Variants in LRMDA observed in about 807,000 individuals in gnomAD.
LRMDA encodes leucine rich melanocyte differentiation associated, also known as leucine-rich melanocyte differentiation-associated protein.
Under a neutral mutation model 29.8 loss-of-function variants are expected in LRMDA, and 18 were observed. That is an observed-to-expected ratio of 0.60 (90% CI 0.42 to 0.90). The LOEUF (loss-of-function observed/expected upper bound fraction) is 0.90. Ranked by LOEUF, LRMDA falls within the 40% of genes least tolerant of loss-of-function variation. LRMDA has a pLI of 0.00. For synonymous variants in LRMDA, 125 were observed against 109.4 expected, an observed-to-expected ratio of 1.14 and a Z score of -0.89; for missense variants, 273 against 273.9, an observed-to-expected ratio of 1.00 and a Z score of 0.02.
At chr10:75,856,169 T>C (rs1844822484) in intron 2 of LRMDA, among the ~76,000 whole-genome samples, 2 of 152,218 alleles carry the variant, frequency 1.3e-5, no homozygotes. Flanking sequence ...ATGGCCATTT[T>C]CATGATATTG....
intron 5 of LRMDA, among the ~76,000 whole-genome samples, chr10:76,130,644 T>A (rs2132135659): frequency 6.6e-6 from 1 of 152,282 alleles, no homozygotes; most frequent in South Asian, 2.1e-4. Flanking sequence ...CTGCCTTCTG[T>A]GTCTACCCAG....
intron 2 of LRMDA, among the ~76,000 whole-genome samples, chr10:75,678,918 T>G (rs539729635): frequency 1.3e-5 from 2 of 152,248 alleles, no homozygotes; most frequent in African/African-American, 4.8e-5. Flanking sequence ...TACTGGAAAT[T>G]AAACGGGCAG....
At chr10:75,728,419 C>T (rs1842655181) in intron 2 of LRMDA, among the ~76,000 whole-genome samples, 1 of 142,800 alleles carries the variant, frequency 7.0e-6, no homozygotes, top group East Asian at 2.0e-4. Flanking sequence ...GTGCTTGATA[C>T]GTGGCTCTGT....
intron 2 of LRMDA, among the ~76,000 whole-genome samples, chr10:75,488,674 T>C (rs936052970): frequency 6.6e-6 from 1 of 152,144 alleles, no homozygotes; most frequent in African/African-American, 2.4e-5. Context: ...GAGGGGAGTG[T>C]CTGTCACTGT....
At chr10:76,224,214 G>A (rs1036728929) in intron 5 of LRMDA, among the ~76,000 whole-genome samples, 5 of 151,842 alleles carry the variant, frequency 3.3e-5, no homozygotes, top group South Asian at 4.2e-4. Context: ...GAGGGAACCA[G>A]TGATGTGGTA....
intron 6 of LRMDA, among the ~76,000 whole-genome samples, chr10:76,546,017 A>C (rs1472633706): frequency 1.3e-5 from 2 of 152,172 alleles, no homozygotes; most frequent in Non-Finnish European, 2.9e-5. Context: ...GTGTTTTAAC[A>C]GGCCTTCTCA....
chr10:75,467,940 A>G (rs1844674830), intron 2 of LRMDA, among the ~76,000 whole-genome samples: 1 of 149,178 alleles, frequency 6.7e-6, no homozygotes, highest in Non-Finnish European at 1.5e-5. Context: ...CAGCCTGGTG[A>G]CAGAGTGAGA....
rs1842886601 is a variant in LRMDA at position 76,497,610 on chromosome 10, G to A, written c.602-59599G>A. Among the ~76,000 whole-genome samples, 2 of 75,492 alleles carry A rather than the reference G, an allele frequency of 2.6e-5. 1 individual carries two copies. Among genetic ancestry groups the A allele is most frequent in the Admixed American group, 2.4e-4 (2 of 8,164 alleles). The allele number at this position is 75,492 out of a possible 152,430, so 49.5% of individuals were successfully genotyped here. ...CCTATTTCAGTTCTCTTTTTGAAGAGGAAACCAACCAACCAAGTTTATATC... is the reference window on the plus strand; with the variant it reads ...CCTATTTCAGTTCTCTTTTTGAAGAAGAAACCAACCAACCAAGTTTATATC... On this transcript the variant is annotated intron_variant, in intron 6 of 6. Transcript: ENST00000611255.
chr10:75,643,283 C>G lies in LRMDA; in HGVS notation c.131+204789C>G, dbSNP rs570358548. ...ATAACTAAGGGATTGAAAATGGACT[C>G]TAAATTCATTTGTTAGCAGTATGAC... On this transcript the variant is annotated intron_variant, in intron 2 of 6. Transcript: ENST00000611255. 2.0e-5 allele frequency among the ~76,000 whole-genome samples: 3 copies of G among 152,196 alleles called. No individual in the cohort carries two copies. In the East Asian group the frequency reaches 5.8e-4, roughly 29 times the overall value.
intron 2 of LRMDA, among the ~76,000 whole-genome samples, chr10:75,584,070 G>GCC (rs1840627943): frequency 6.6e-6 from 1 of 151,942 alleles, no homozygotes; most frequent in Non-Finnish European, 1.5e-5. Flanking sequence ...TCTGTTTTTC[G>GCC]CCTGTTCTTC....
intron 2 of LRMDA, among the ~76,000 whole-genome samples, chr10:75,619,747 A>C (rs1292829929): frequency 6.6e-6 from 1 of 152,140 alleles, no homozygotes; most frequent in East Asian, 1.9e-4. Flanking sequence ...CGTTTACTTC[A>C]GGGTTTGGTA....
At position 75,754,165 on chromosome 10, in the gene LRMDA, CTTCCTT is replaced by C. The variant is rs199582118; in HGVS notation, c.132-281841_132-281836del. Among the ~76,000 whole-genome samples, 1,234 of 152,298 alleles carry C rather than the reference CTTCCTT, an allele frequency of 8.1e-3. 18 individuals are homozygous for C. Among genetic ancestry groups the C allele is most frequent in the African/African-American group, 0.028 (1,149 of 41,560 alleles). On this transcript the variant is annotated intron_variant, in intron 2 of 6. Coordinates refer to ENST00000611255, the MANE Select transcript of LRMDA (RefSeq NM_001305581.2). Reference sequence around the variant, plus strand: ...TGGTTAGCCTGAAGGCTCTCCAGTTCTTCCTTTATCTGACCTGCATTCCTCATGCTG... The same window carrying C: ...TGGTTAGCCTGAAGGCTCTCCAGTTCTATCTGACCTGCATTCCTCATGCTG...
At chr10:75,717,944 A>T (rs972994478) in intron 2 of LRMDA, among the ~76,000 whole-genome samples, 1 of 152,120 alleles carries the variant, frequency 6.6e-6, no homozygotes, top group Non-Finnish European at 1.5e-5. Flanking sequence ...TTAGATTTTT[A>T]AAGTGTTTTA....
chr10:75,725,341 C>T (rs1564550296), intron 2 of LRMDA, among the ~76,000 whole-genome samples: 1 of 152,180 alleles, frequency 6.6e-6, no homozygotes, highest in East Asian at 1.9e-4. Context: ...CTCAGAGAGG[C>T]TGGGACAGCA....
intron 6 of LRMDA, among the ~76,000 whole-genome samples, chr10:76,481,588 T>TGCCC (rs1191674525): frequency 3.3e-5 from 5 of 151,972 alleles, no homozygotes; most frequent in Non-Finnish European, 7.4e-5. Context: ...GGGAGTGGTC[T>TGCCC]AACTAATTGG....
chr10:76,047,176 G>A lies in LRMDA; in HGVS notation c.271G>A (p.Glu91Lys). 2 of 1,613,958 alleles carry A rather than the reference G, an allele frequency of 1.2e-6. No homozygotes were observed. Among genetic ancestry groups the A allele is most frequent in the Non-Finnish European group, 1.7e-6 (2 of 1,179,948 alleles). Reference protein sequence around the residue: ...TLNKNRITDLENLLDHLAEVT... With the variant: ...TLNKNRITDLKNLLDHLAEVT... ...TAACCTTTGTCACATCACTGATTTG[G>A]AGAACCTGCTGGATCACTTGGCAGA... The change falls in exon 4 of 7, where the codon GAG becomes AAG. Residue 91 changes from glutamate (E) to lysine (K), a missense_variant. By Grantham distance (56) the Glu-to-Lys change is moderately conservative. Transcript: ENST00000611255.
chr10:76,531,135 T>C (rs1033457423), intron 6 of LRMDA, among the ~76,000 whole-genome samples: 7 of 152,152 alleles, frequency 4.6e-5, no homozygotes, highest in Admixed American at 4.6e-4. Context: ...CACTGCTCAA[T>C]GTGTCTTTAG....
chr10:75,638,828 C>T (rs1009902374), intron 2 of LRMDA, among the ~76,000 whole-genome samples: 3 of 152,022 alleles, frequency 2.0e-5, no homozygotes, highest in African/African-American at 4.8e-5. Context: ...TGTGTTTTTT[C>T]CCCCCTAAAT....
At chr10:75,847,337 T>C (rs1844656210) in intron 2 of LRMDA, among the ~76,000 whole-genome samples, 2 of 152,340 alleles carry the variant, frequency 1.3e-5, no homozygotes, top group African/African-American at 4.8e-5. Flanking sequence ...TAACTTCATA[T>C]TATATACAAA....
Sources: gnomAD v4.1 joint callset for allele counts (sites outside exome capture counted in the v4.1 genomes callset) on GRCh38, gnomAD v4.1.1 for gene constraint, MANE v1.5 for transcripts, NCBI Gene and HGNC (gene_info 2026-07-23, HGNC 2026-07-21) for gene names.